SLC20A2: variants seen among roughly 807,000 people sequenced by gnomAD.
The protein encoded by SLC20A2 is solute carrier family 20 member 2, also known as sodium-dependent phosphate transporter 2.
In SLC20A2, 30 loss-of-function variants were observed where a neutral mutation model predicts 61.0. The ratio of observed to expected loss-of-function variants is 0.49; its 90% CI spans 0.37 to 0.67. The LOEUF (loss-of-function observed/expected upper bound fraction) is 0.67. Among genes scored for constraint, SLC20A2 ranks in the 30% least tolerant of loss-of-function variants. The pLI is 0.00. For synonymous variants in SLC20A2, 351 were observed against 353.3 expected (o/e 0.99, Z 0.07); for missense variants, 626 against 866.4 (o/e 0.72, Z 3.48).
chr8:42,505,510 T>C (rs1248235179), upstream of SLC20A2, among the ~76,000 whole-genome samples: 1 of 152,228 alleles, frequency 6.6e-6, no homozygotes, highest in African/African-American at 2.4e-5. Flanking sequence ...TTCTGCATTT[T>C]AGTTTGGAAC....
intron 1 of SLC20A2, among the ~76,000 whole-genome samples, chr8:42,525,222 A>G (rs1191415216): frequency 6.6e-6 from 1 of 152,108 alleles, no homozygotes; most frequent in Non-Finnish European, 1.5e-5. Flanking sequence ...ATACACCTCT[A>G]TTTTTCGTGA....
At chr8:42,493,153 A>T (rs1809651952) in intron 1 of SLC20A2, among the ~76,000 whole-genome samples, 1 of 152,306 alleles carries the variant, frequency 6.6e-6, no homozygotes, top group South Asian at 2.1e-4. Context: ...CTCATGTGGC[A>T]CTGTATAAAG....
At chr8:42,467,214 G>A (rs1807238798) in intron 2 of SLC20A2, among the ~76,000 whole-genome samples, 1 of 152,104 alleles carries the variant, frequency 6.6e-6, no homozygotes, top group Non-Finnish European at 1.5e-5. Flanking sequence ...CCAGAATGTT[G>A]GACTTTTTAT....
At chr8:42,502,176 A>C (rs537091855), upstream of SLC20A2, 2 of 149,776 alleles carry the variant, frequency 1.3e-5, no homozygotes, top group Non-Finnish European at 3.0e-5. Flanking sequence ...TTTTTTTCCC[A>C]CAGACAGGTA....
At chr8:42,537,168 G>A (rs1254740551) in intron 1 of SLC20A2, among the ~76,000 whole-genome samples, 1 of 151,810 alleles carries the variant, frequency 6.6e-6, no homozygotes, top group African/African-American at 2.4e-5. Context: ...AGGGTTGTTT[G>A]AGCCCAGGAG....
At chr8:42,463,397 G>A (rs556562010) in intron 3 of SLC20A2, 73 of 208,044 alleles carry the variant, frequency 3.5e-4, no homozygotes, top group African/African-American at 1.6e-3. Flanking sequence ...GCCTCCCACG[G>A]AGTCTTTCTG....
chr8:42,533,975 T>C (rs971193632), intron 1 of SLC20A2, among the ~76,000 whole-genome samples: 3 of 146,030 alleles, frequency 2.1e-5, no homozygotes, highest in Non-Finnish European at 3.0e-5. Flanking sequence ...CTCTTTGTGC[T>C]TACTAGCATT....
rs1332253936 is a variant in SLC20A2 at position 42,477,646 on chromosome 8, T to C, written c.-264-4992A>G. On this transcript the variant is annotated intron_variant, in intron 1 of 10. Coordinates refer to ENST00000520262, the MANE Select transcript of SLC20A2 (RefSeq NM_001257180.2). ...CCACCATGTCCAGCTAATTTTTGTA[T>C]TTTTAGTAGAGACAGGGCTTATCAC... is the stretch of plus-strand genomic sequence containing the variant. Among the ~76,000 whole-genome samples, 9 of 151,446 alleles carry C rather than the reference T, an allele frequency of 5.9e-5. No individual in the cohort carries two copies. The East Asian group carries it at 1.8e-3, about 30-fold the overall frequency.
intron 1 of SLC20A2, among the ~76,000 whole-genome samples, chr8:42,493,525 G>A (rs1339872460): frequency 6.6e-6 from 1 of 152,016 alleles, no homozygotes; most frequent in African/African-American, 2.4e-5. Context: ...TGAACTCCGG[G>A]CCCTTCTGAA....
In SLC20A2 at chr8:42,472,434, T is replaced by C. The variant is rs573533997; in HGVS notation, c.-44A>G. Reference sequence around the variant, plus strand: ...GGTACTTTTCTTTTGCAGGAATATTTTAAATAAACAAAGCTTGAGGTTATA... The same window carrying C: ...GGTACTTTTCTTTTGCAGGAATATTCTAAATAAACAAAGCTTGAGGTTATA... On this transcript the variant is annotated 5_prime_UTR_variant, in exon 2 of 11. Coordinates refer to ENST00000520262, the MANE Select transcript of SLC20A2 (RefSeq NM_001257180.2). The surrounding 1 kb of genome is among the most constrained non-coding windows in gnomAD (Gnocchi z 4.1). 192 of 1,573,046 alleles carry C rather than the reference T, an allele frequency of 1.2e-4. 5 individuals are homozygous for C. The Middle Eastern group carries it at 2.5e-3, about 21-fold the overall frequency.
intron 10 of SLC20A2, among the ~76,000 whole-genome samples, chr8:42,423,538 G>C (rs1803181838): frequency 6.6e-6 from 1 of 151,844 alleles, no homozygotes; most frequent in Non-Finnish European, 1.5e-5. Context: ...TCTGATTTTA[G>C]GATTTTTATA....
chr8:42,453,918 A>G (rs1211670052), intron 5 of SLC20A2, among the ~76,000 whole-genome samples: 2 of 152,240 alleles, frequency 1.3e-5, no homozygotes, highest in Non-Finnish European at 1.5e-5. Flanking sequence ...AGCCTCTAAC[A>G]GGCACGGTTG....
chr8:42,446,108 A>AC (rs1385563055), intron 5 of SLC20A2, among the ~76,000 whole-genome samples: 1 of 152,200 alleles, frequency 6.6e-6, no homozygotes, highest in Non-Finnish European at 1.5e-5. Flanking sequence ...GGCATGAGCC[A>AC]CCTGGCCCAA....
rs539818145 is a variant in SLC20A2, at chr8:42,447,474, G to C, written c.614-2712C>G. On this transcript the variant is annotated intron_variant, in intron 5 of 10. Coordinates refer to ENST00000520262, the MANE Select transcript of SLC20A2 (RefSeq NM_001257180.2). ...GGGCAGATCACAAGGTCAGGAGATG[G>C]AGACCATCCTGGCTAACACGGTGAA... Among the ~76,000 whole-genome samples the C allele has an allele frequency of 5.9e-5, 9 of 152,188 alleles. No homozygotes were observed. In the East Asian group the frequency reaches 1.7e-3, roughly 29 times the overall value.
intron 10 of SLC20A2, among the ~76,000 whole-genome samples, chr8:42,419,181 T>C (rs1244181229): frequency 6.6e-6 from 1 of 152,184 alleles, no homozygotes. Context: ...AGAGACTTTT[T>C]AATATGATTA....
chr8:42,424,865 G>A (rs1803294148), intron 10 of SLC20A2, among the ~76,000 whole-genome samples: 1 of 152,120 alleles, frequency 6.6e-6, no homozygotes, highest in Admixed American at 6.6e-5. Flanking sequence ...GGCTAACATG[G>A]AGAAACCCCA....
At chr8:42,499,398 C>G (rs1202379184) in intron 1 of SLC20A2, among the ~76,000 whole-genome samples, 1 of 152,210 alleles carries the variant, frequency 6.6e-6, no homozygotes, top group East Asian at 1.9e-4. Flanking sequence ...ACCTTCTCCG[C>G]TCTCACTCAC....
intron 1 of SLC20A2, among the ~76,000 whole-genome samples, chr8:42,485,265 T>C (rs868165491): frequency 4.6e-5 from 7 of 151,894 alleles, no homozygotes; most frequent in African/African-American, 1.7e-4. Context: ...ACACAATGCG[T>C]ACAAATAAAA....
At chr8:42,541,773 GCCGCCCGCC>G (rs1221932391) in intron 1 of SLC20A2, 1 of 149,798 alleles carries the variant, frequency 6.7e-6, no homozygotes, top group Non-Finnish European at 1.5e-5. Context: ...CCCGCCCCGC[GCCGCCCGCC>G]CCGCCCCGGA....
Sources: gnomAD v4.1 joint callset for allele counts (sites outside exome capture counted in the v4.1 genomes callset) on GRCh38, gnomAD v4.1.1 for gene constraint, Gnocchi (gnomAD v3.1) non-coding constraint, MANE v1.5 for transcripts, NCBI Gene and HGNC (gene_info 2026-07-23, HGNC 2026-07-21) for gene names.